The following CA10 variants were observed in gnomAD, a reference collection of about 807,000 sequenced individuals.
The protein encoded by CA10 is carbonic anhydrase-related protein 10.
A neutral mutation model predicts 44.2 loss-of-function variants in CA10; 14 were observed. The observed-to-expected ratio is 0.32, with a 90% CI of 0.21 to 0.50. The LOEUF (loss-of-function observed/expected upper bound fraction) is 0.50, where lower values mean the gene tolerates loss of function less well. CA10 is among the 20% of genes least tolerant of loss of function. The pLI is 0.99. For missense variants in CA10, 350 were observed against 409.7 expected, an observed-to-expected ratio of 0.85 and a Z score of 1.26; for synonymous variants, 159 against 141.6, an observed-to-expected ratio of 1.12 and a Z score of -0.87.
chr17:52,026,861 TATC>T (rs1302232953), intron 2 of CA10, among the ~76,000 whole-genome samples: 1 of 152,034 alleles, frequency 6.6e-6, no homozygotes, highest in African/African-American at 2.4e-5. Context: ...AGCCAAACCA[TATC>T]ATCAACATTT....
chr17:52,130,028 C>A (rs772115620), intron 1 of CA10, among the ~76,000 whole-genome samples: 1 of 151,968 alleles, frequency 6.6e-6, no homozygotes. Flanking sequence ...ATATAAAGAG[C>A]TAACAGGTAT....
intron 4 of CA10, among the ~76,000 whole-genome samples, chr17:51,677,722 C>T (rs887560524): frequency 6.6e-6 from 1 of 152,100 alleles, no homozygotes; most frequent in Non-Finnish European, 1.5e-5. Context: ...TACTGTGGCC[C>T]TCTGTCTCCT....
At chr17:52,052,294 T>TC in intron 2 of CA10, among the ~76,000 whole-genome samples, 1 of 11,994 alleles carries the variant, frequency 8.3e-5, no homozygotes, top group Non-Finnish European at 2.0e-4. Context: ...AAAGGCTTTT[T>TC]TTTTTAAAAA....
At position 52,030,313 on chromosome 17, in the gene CA10, G is replaced by A. The variant is rs148745660; in HGVS notation, c.136+42006C>T. Reference sequence around the variant, plus strand: ...GGCCTGTTGACCTTTCTCTCTTAACGATGAGTTGCAAAACAGTGGGATAAC... The same window carrying A: ...GGCCTGTTGACCTTTCTCTCTTAACAATGAGTTGCAAAACAGTGGGATAAC... On this transcript the variant is annotated intron_variant, in intron 2 of 8. Transcript: ENST00000451037. 1.3e-3 allele frequency among the ~76,000 whole-genome samples: 191 copies of A among 151,938 alleles called. 5 individuals are homozygous for A. The South Asian group carries it at 0.023, about 18-fold the overall frequency.
intron 2 of CA10, among the ~76,000 whole-genome samples, chr17:52,025,353 C>T (rs188564604): frequency 9.9e-5 from 15 of 152,152 alleles, no homozygotes; most frequent in African/African-American, 3.6e-4. Flanking sequence ...ATAAAGCTAA[C>T]TTATTGTCAT....
intron 3 of CA10, among the ~76,000 whole-genome samples, chr17:51,861,337 G>A (rs1015881807): frequency 2.0e-5 from 3 of 151,986 alleles, no homozygotes; most frequent in African/African-American, 7.3e-5. Flanking sequence ...GCCTCATTGT[G>A]GAGATTTTCT....
chr17:51,902,573 C>T (rs1267301721), intron 3 of CA10, among the ~76,000 whole-genome samples: 2 of 152,126 alleles, frequency 1.3e-5, no homozygotes, highest in Non-Finnish European at 2.9e-5. Flanking sequence ...ACAATCTTAA[C>T]TCTTAACTCA....
chr17:51,703,685 A>G lies in CA10; in HGVS notation c.465+43948T>C, dbSNP rs147091238. On this transcript the variant is annotated intron_variant, in intron 4 of 8. Coordinates refer to ENST00000451037, the MANE Select transcript of CA10 (RefSeq NM_020178.5). ...AGGTGTGCGATGTACAAGAGTCGTGAGGTGGCAAAGGATGGGCTCCTGAGG... is the reference window on the plus strand; with the variant it reads ...AGGTGTGCGATGTACAAGAGTCGTGGGGTGGCAAAGGATGGGCTCCTGAGG... Among the ~76,000 whole-genome samples the G allele has an allele frequency of 6.9e-3, 1,044 of 152,270 alleles. 16 individuals carry two copies. The highest frequency in any genetic ancestry group is 0.024 in the African/African-American group (1,007 of 41,550).
At chr17:51,950,653 G>A (rs1428213893) in intron 2 of CA10, among the ~76,000 whole-genome samples, 2 of 152,022 alleles carry the variant, frequency 1.3e-5, no homozygotes, top group East Asian at 1.9e-4. Flanking sequence ...GGCCCTAGAC[G>A]ACTTCACCAT....
At chr17:52,025,091 A>G (rs952676443) in intron 2 of CA10, among the ~76,000 whole-genome samples, 2 of 152,008 alleles carry the variant, frequency 1.3e-5, no homozygotes, top group African/African-American at 4.8e-5. Context: ...CCCCTGGTCC[A>G]TGGAAAAAAA....
At chr17:51,718,905 T>C (rs1317308884) in intron 4 of CA10, among the ~76,000 whole-genome samples, 6 of 152,206 alleles carry the variant, frequency 3.9e-5, no homozygotes, top group Non-Finnish European at 5.9e-5. Context: ...ACTTTGTTTT[T>C]TCTTTTCTCC....
At chr17:51,819,046 T>C (rs761864332) in intron 3 of CA10, among the ~76,000 whole-genome samples, 4 of 152,130 alleles carry the variant, frequency 2.6e-5, no homozygotes, top group Non-Finnish European at 5.9e-5. Context: ...CTGAGGTCCA[T>C]AAAAAGGATG....
Position 51,934,726 on chromosome 17 carries a change from A to T in CA10, c.137-3594T>A, listed in dbSNP as rs113721432. ...ATGATTGCACACAAAGAGCTGCTCCAGGGATAGTTCCTGGGGTCAGCTGCA... is the reference window on the plus strand; with the variant it reads ...ATGATTGCACACAAAGAGCTGCTCCTGGGATAGTTCCTGGGGTCAGCTGCA... On this transcript the variant is annotated intron_variant, in intron 2 of 8. Transcript: ENST00000451037. 4.8e-3 allele frequency among the ~76,000 whole-genome samples: 733 copies of T among 152,238 alleles called. 1 individual carries two copies. Among genetic ancestry groups the T allele is most frequent in the Non-Finnish European group, 7.9e-3 (540 of 67,994 alleles).
intron 3 of CA10, among the ~76,000 whole-genome samples, chr17:51,827,418 A>G (rs186798922): frequency 6.6e-5 from 10 of 152,232 alleles, no homozygotes; most frequent in Admixed American, 3.3e-4. Flanking sequence ...ATGTATCACT[A>G]AAGATGTTAA....
chr17:51,800,496 A>C (rs964098688), intron 3 of CA10, among the ~76,000 whole-genome samples: 24 of 152,124 alleles, frequency 1.6e-4, no homozygotes, highest in African/African-American at 5.5e-4. Context: ...ATGGTGTCTC[A>C]ATAAACCTTC....
intron 2 of CA10, among the ~76,000 whole-genome samples, chr17:51,946,549 A>C (rs181011219): frequency 2.9e-4 from 44 of 152,192 alleles, no homozygotes; most frequent in African/African-American, 9.9e-4. Flanking sequence ...TGGCTGGATG[A>C]GAGTCTGACA....
At chr17:52,113,072 T>G (rs1988819421) in intron 1 of CA10, among the ~76,000 whole-genome samples, 1 of 152,230 alleles carries the variant, frequency 6.6e-6, no homozygotes, top group South Asian at 2.1e-4. Flanking sequence ...TGGTTTGTTT[T>G]CACAACTCAC....
At chr17:51,654,886 T>C (rs1413049350) in intron 4 of CA10, among the ~76,000 whole-genome samples, 7 of 151,856 alleles carry the variant, frequency 4.6e-5, no homozygotes, top group Non-Finnish European at 1.0e-4. Flanking sequence ...AATTAAAATA[T>C]AGAAGTAAAA....
At chr17:51,959,797 G>GAAAAAAAAAAAAA (rs3062037) in intron 2 of CA10, among the ~76,000 whole-genome samples, 2 of 112,292 alleles carry the variant, frequency 1.8e-5, no homozygotes, top group Non-Finnish European at 3.5e-5. Context: ...CTGCTAAGAT[G>GAAAAAAAAAAAAA]AAAAAAAAAA....
Sources: gnomAD v4.1 joint callset for allele counts (sites outside exome capture counted in the v4.1 genomes callset) on GRCh38, gnomAD v4.1.1 for gene constraint, MANE v1.5 for transcripts, NCBI Gene and HGNC (gene_info 2026-07-23, HGNC 2026-07-21) for gene names.